The following DGKI variants were observed in gnomAD, a reference collection of about 807,000 sequenced individuals.
DGKI encodes the protein DAG kinase iota.
DGKI carries 55 observed loss-of-function variants against 147.5 expected under a neutral mutation model. The observed-to-expected ratio is 0.37, with a 90% CI of 0.30 to 0.47. The LOEUF (loss-of-function observed/expected upper bound fraction) is 0.47, where lower values mean the gene tolerates loss of function less well. Among genes scored for constraint, DGKI ranks in the 20% least tolerant of loss-of-function variants. The pLI is 1.00. For missense variants in DGKI, 1,007 were observed against 1,323.8 expected (o/e 0.76, Z 3.71); for synonymous variants, 469 against 477.1 (o/e 0.98, Z 0.22).
chr7:137,569,728 C>CAAAAAAAAAAAAAAAAAAAAAA lies in DGKI; in HGVS notation c.1947+1425_1947+1446dup, dbSNP rs60719355. Among the ~76,000 whole-genome samples, 7 of 64,612 alleles carry CAAAAAAAAAAAAAAAAAAAAAA rather than the reference C, an allele frequency of 1.1e-4. 1 individual carries two copies. The highest frequency in any genetic ancestry group is 1.7e-4 in the Non-Finnish European group (6 of 34,852). 42.4% of individuals were successfully genotyped at this position (64,612 alleles called of 152,430 possible). ...TGGGCAACAGAGTGAGACTCTGTCTCAAAAAAAAAAAAAAAAAAAAAAAAA... is the reference window on the plus strand; with the variant it reads ...TGGGCAACAGAGTGAGACTCTGTCTCAAAAAAAAAAAAAAAAAAAAAAAAAAAAAAAAAAAAAAAAAAAAAAA... On this transcript the variant is annotated intron_variant, in intron 19 of 32. Coordinates refer to ENST00000614521, the MANE Select transcript of DGKI (RefSeq NM_001321708.2).
chr7:137,511,297 T>C (rs915492733), intron 21 of DGKI, among the ~76,000 whole-genome samples: 1 of 152,230 alleles, frequency 6.6e-6, no homozygotes, highest in Non-Finnish European at 1.5e-5. Context: ...AGACTAGAAG[T>C]GACAGCCAGA....
chr7:137,619,263 G>A (rs943497788), intron 8 of DGKI, among the ~76,000 whole-genome samples: 2 of 152,192 alleles, frequency 1.3e-5, no homozygotes, highest in South Asian at 2.1e-4. Flanking sequence ...GACAGGAAGT[G>A]CACTGGGGAG....
In DGKI at chr7:137,489,487, G is replaced by T. The variant is rs890863835; in HGVS notation, c.2249-1798C>A. On this transcript the variant is annotated intron_variant, in intron 21 of 32. Coordinates refer to ENST00000614521, the MANE Select transcript of DGKI (RefSeq NM_001321708.2). ...TTCAGCATGGCAATCATGCATCTTT[G>T]CAGGAAATGGAAGGGAAATTCAATA... Among the ~76,000 whole-genome samples the T allele has an allele frequency of 3.9e-5, 6 of 152,178 alleles. No homozygotes were observed. The South Asian group carries it at 1.2e-3, about 32-fold the overall frequency.
intron 6 of DGKI, among the ~76,000 whole-genome samples, chr7:137,635,484 C>T (rs1821276606): frequency 6.6e-6 from 1 of 152,160 alleles, no homozygotes; most frequent in South Asian, 2.1e-4. Context: ...TCAGTCAGCA[C>T]CACTATGCAA....
intron 28 of DGKI, among the ~76,000 whole-genome samples, chr7:137,418,755 A>G (rs181728336): frequency 3.3e-5 from 5 of 152,346 alleles, no homozygotes; most frequent in East Asian, 3.9e-4. Context: ...ATAAAAGTAA[A>G]TATAAAAACT....
rs1486199958 is a variant in DGKI, at chr7:137,584,526, T to C, written c.1563+683A>G. On this transcript the variant is annotated intron_variant, in intron 14 of 32. Coordinates refer to ENST00000614521, the MANE Select transcript of DGKI (RefSeq NM_001321708.2). ...AGTCTGGACATAAAGATGACAACAATAGATACTGGGGACCACTAGAGTAGA... is the reference window on the plus strand; with the variant it reads ...AGTCTGGACATAAAGATGACAACAACAGATACTGGGGACCACTAGAGTAGA... Among the ~76,000 whole-genome samples, 3 of 152,106 alleles carry C rather than the reference T, an allele frequency of 2.0e-5. 1 individual carries two copies. Among genetic ancestry groups the C allele is most frequent in the South Asian group, 4.2e-4 (2 of 4,818 alleles).
intron 12 of DGKI, among the ~76,000 whole-genome samples, chr7:137,594,424 AACTTTCTATACCTTAAATAAT>A (rs1427521081): frequency 6.6e-6 from 1 of 152,192 alleles, no homozygotes; most frequent in Non-Finnish European, 1.5e-5. Flanking sequence ...AAGTAATGCA[AACTTTCTATACCTTAAATAAT>A]ACTTTCTATA....
intron 1 of DGKI, among the ~76,000 whole-genome samples, chr7:137,698,501 A>C (rs1823870330): frequency 6.6e-6 from 1 of 152,168 alleles, no homozygotes; most frequent in South Asian, 2.1e-4. Flanking sequence ...CAAACTTTAC[A>C]TCAACCAGTC....
intron 22 of DGKI, among the ~76,000 whole-genome samples, chr7:137,486,439 C>CA (rs1455907675): frequency 3.9e-5 from 6 of 151,922 alleles, no homozygotes; most frequent in Admixed American, 3.9e-4. Flanking sequence ...CAGCAAAATA[C>CA]AAACATTATT....
chr7:137,582,822 G>A lies in DGKI; in HGVS notation c.1564-894C>T, dbSNP rs116468803. ...AAGAAAGCATGCGGAAAATGTGAGA[G>A]TGGGAATGGCTGGTTCTCCCGCTTT... On this transcript the variant is annotated intron_variant, in intron 14 of 32. Transcript: ENST00000614521. Among the ~76,000 whole-genome samples the A allele has an allele frequency of 3.4e-3, 511 of 152,250 alleles. 3 individuals are homozygous for A. Among genetic ancestry groups the A allele is most frequent in the African/African-American group, 0.011 (470 of 41,562 alleles).
chr7:137,722,407 C>T (rs1038372151), intron 1 of DGKI: 27 of 1,611,964 alleles, frequency 1.7e-5, no homozygotes, highest in Non-Finnish European at 1.5e-5. Context: ...GAGAAAACTG[C>T]GAGCCAGCAT....
chr7:137,469,668 G>A (rs764415648), intron 23 of DGKI, 49 bp from the exon 24 acceptor site: 14 of 1,553,806 alleles, frequency 9.0e-6, no homozygotes, highest in South Asian at 4.5e-5. Context: ...ATAACCTGAT[G>A]GGCTTCCCTC....
intron 19 of DGKI, among the ~76,000 whole-genome samples, chr7:137,565,228 T>C (rs1231172786): frequency 6.6e-6 from 1 of 152,142 alleles, no homozygotes; most frequent in Non-Finnish European, 1.5e-5. Flanking sequence ...TTAGGCTATA[T>C]TTATACAATA....
chr7:137,422,845 C>T (rs1295314926), intron 28 of DGKI, among the ~76,000 whole-genome samples: 1 of 151,988 alleles, frequency 6.6e-6, no homozygotes, highest in Non-Finnish European at 1.5e-5. Flanking sequence ...ACCTAGTGAT[C>T]CACCCGCCTC....
chr7:137,772,011 ACT>A (rs1453331720), intron 1 of DGKI: 12 of 152,220 alleles, frequency 7.9e-5, no homozygotes, highest in Non-Finnish European at 1.6e-4. Flanking sequence ...GCTGCTCTAC[ACT>A]GTGTGCATTC....
intron 1 of DGKI, among the ~76,000 whole-genome samples, chr7:137,839,747 C>T (rs191450387): frequency 3.3e-4 from 50 of 152,266 alleles, no homozygotes; most frequent in African/African-American, 7.5e-4. Flanking sequence ...TTGTTCCCAA[C>T]ATCTAACAAA....
chr7:137,800,474 A>T (rs1309793561), intron 1 of DGKI, among the ~76,000 whole-genome samples: 1 of 152,086 alleles, frequency 6.6e-6, no homozygotes, highest in Non-Finnish European at 1.5e-5. Context: ...TTCTCCTGCC[A>T]TGTGAGACAC....
intron 1 of DGKI, among the ~76,000 whole-genome samples, chr7:137,740,194 G>T (rs1369145554): frequency 2.0e-5 from 3 of 152,170 alleles, no homozygotes; most frequent in Admixed American, 1.3e-4. Flanking sequence ...CATACATGCA[G>T]AAATCCACAT....
intron 5 of DGKI, among the ~76,000 whole-genome samples, chr7:137,652,572 C>G (rs1387531270): frequency 2.0e-5 from 3 of 152,310 alleles, no homozygotes; most frequent in South Asian, 2.1e-4. Context: ...CTGGGTGGCA[C>G]TGAGGCACCA....
Sources: allele counts gnomAD v4.1 joint callset (sites outside exome capture counted in the v4.1 genomes callset), GRCh38; gene constraint gnomAD v4.1.1; transcripts MANE v1.5; gene names NCBI Gene and HGNC (gene_info 2026-07-23, HGNC 2026-07-21).